The following SLC12A6 variants were observed in gnomAD, a reference collection of about 807,000 sequenced individuals.
SLC12A6 encodes the protein K-Cl cotransporter 3.
Under a neutral mutation model 135.3 loss-of-function variants are expected in SLC12A6, and 66 were observed. That is an observed-to-expected ratio of 0.49 (90% CI 0.40 to 0.60). SLC12A6 has a LOEUF of 0.60. Among genes scored for constraint, SLC12A6 ranks in the 20% least tolerant of loss-of-function variants. SLC12A6 has a pLI of 0.00. For missense variants in SLC12A6, 1,058 were observed against 1,452.3 expected (o/e 0.73, Z 4.41); for synonymous variants, 513 against 508.8 (o/e 1.01, Z -0.11).
intron 2 of SLC12A6, among the ~76,000 whole-genome samples, chr15:34,308,630 C>CAAAAAAAA (rs536506096): frequency 5.2e-4 from 33 of 63,308 alleles, no homozygotes; most frequent in African/African-American, 1.2e-3. Context: ...GTCCACCTGA[C>CAAAAAAAA]AAAAAAAAAA....
intron 12 of SLC12A6, 66 bp from the exon 13 acceptor site, chr15:34,250,421 A>G (rs1892309148): frequency 2.0e-6 from 2 of 1,016,726 alleles, no homozygotes; most frequent in Admixed American, 1.7e-5. Context: ...GTAGACACTC[A>G]GTAGACACTT....
chr15:34,270,675 T>C (rs1893852992), intron 3 of SLC12A6, among the ~76,000 whole-genome samples: 2 of 151,742 alleles, frequency 1.3e-5, no homozygotes, highest in African/African-American at 2.4e-5. Context: ...TGATGGTGGG[T>C]CCCTGTAATC....
In SLC12A6 at chr15:34,238,414, A is replaced by C; in HGVS notation, c.2633-13T>G. 1 of 1,607,428 alleles carries C rather than the reference A, an allele frequency of 6.2e-7. No individual in the cohort carries two copies. Among genetic ancestry groups the C allele is most frequent in the Non-Finnish European group, 8.5e-7 (1 of 1,174,126 alleles). Reference sequence around the variant, plus strand: ...ACTCGAACTGTGCCTAGGGAGAAAAAAGAATAAGCAGAGAAGAATCCTTAG... The same window carrying C: ...ACTCGAACTGTGCCTAGGGAGAAAACAGAATAAGCAGAGAAGAATCCTTAG... On this transcript the variant is annotated splice_polypyrimidine_tract_variant and intron_variant, in intron 20 of 25. Transcript: ENST00000354181.
chr15:34,267,697 G>A (rs745859062), intron 3 of SLC12A6, among the ~76,000 whole-genome samples: 1 of 152,152 alleles, frequency 6.6e-6, no homozygotes, highest in Non-Finnish European at 1.5e-5. Flanking sequence ...AAATTTTTGT[G>A]TACACTTATT....
chr15:34,234,112 G>A, intron 25 of SLC12A6, 140 bp from the exon 26 acceptor site: 3 of 684,788 alleles, frequency 4.4e-6, no homozygotes, highest in South Asian at 1.5e-5. Flanking sequence ...CTGAACTTTG[G>A]ATTGAATTTA....
chr15:34,266,684 A>C (rs1362292545), intron 3 of SLC12A6, among the ~76,000 whole-genome samples: 1 of 152,132 alleles, frequency 6.6e-6, no homozygotes, highest in Non-Finnish European at 1.5e-5. Context: ...AGCCTGCCTC[A>C]ACCTCCCAAA....
At chr15:34,294,814 C>A (rs1208856999) in intron 2 of SLC12A6, among the ~76,000 whole-genome samples, 1 of 151,906 alleles carries the variant, frequency 6.6e-6, no homozygotes, top group Non-Finnish European at 1.5e-5. Context: ...CTTCCCCTCC[C>A]AAAGTGCTAG....
Position 34,231,423 on chromosome 15 carries a change from C to T in SLC12A6, c.*2458G>A, listed in dbSNP as rs1382744851. ...CATGACTCACTACTGTTAAACTCAACTAAGCAATGGAGTGTTGCAGTGGGA... is the reference window on the plus strand; with the variant it reads ...CATGACTCACTACTGTTAAACTCAATTAAGCAATGGAGTGTTGCAGTGGGA... On this transcript the variant is annotated 3_prime_UTR_variant, in exon 26 of 26. Transcript: ENST00000354181. 2 of 150,748 alleles carry T rather than the reference C, an allele frequency of 1.3e-5. No homozygotes were observed. Among genetic ancestry groups the T allele is most frequent in the Non-Finnish European group, 2.9e-5 (2 of 67,818 alleles). The allele number at this position is 150,748 out of a possible 1,614,324, so 9.3% of individuals were successfully genotyped here. A position where few individuals can be genotyped will look rare whatever the true frequency, so the allele number is the denominator to read the frequency against.
At position 34,252,217 on chromosome 15, in the gene SLC12A6, A is replaced by G. The variant is rs767322889; in HGVS notation, c.1286T>C (p.Val429Ala). The G allele has an allele frequency of 6.2e-7, 1 of 1,608,694 alleles. No individual in the cohort carries two copies. The highest frequency in any genetic ancestry group is 2.2e-5 in the East Asian group (1 of 44,836). Reference sequence around the variant, plus strand: ...TCCAGGAATGCCCTGGATTGAAGTGACGTTATTGTGAACAAAGTATTCATC... The same window carrying G: ...TCCAGGAATGCCCTGGATTGAAGTGGCGTTATTGTGAACAAAGTATTCATC... ...TCDEYFVHNN[V>A]TSIQGIPGLA... Residue 429 changes from valine (V) to alanine (A), a missense_variant, in exon 10 of 26, where the codon GTC (valine) becomes GCC (alanine). Val to Ala is a moderately conservative substitution (Grantham distance 64, BLOSUM62 0). This residue lies in a region of SLC12A6 where 297 missense variants were observed against 318.5 expected (regional missense o/e 0.93). Transcript: ENST00000354181.
intron 5 of SLC12A6, among the ~76,000 whole-genome samples, chr15:34,258,454 T>C (rs996599369): frequency 6.6e-6 from 1 of 152,184 alleles, no homozygotes; most frequent in Non-Finnish European, 1.5e-5. Context: ...TCCTCAAATA[T>C]CACCTTGTCA....
At chr15:34,243,668 C>A (rs1264093183) in intron 16 of SLC12A6, among the ~76,000 whole-genome samples, 4 of 152,148 alleles carry the variant, frequency 2.6e-5, no homozygotes, top group African/African-American at 9.7e-5. Context: ...GACTCTGTAA[C>A]CCTAAGAGAC....
chr15:34,241,403 G>GT (rs1338937478), intron 17 of SLC12A6, 66 bp from the exon 18 acceptor site: 4 of 854,220 alleles, frequency 4.7e-6, no homozygotes, highest in Admixed American at 4.1e-5. Flanking sequence ...AAAAAATAAA[G>GT]TTTTTTTCTG....
intron 2 of SLC12A6, among the ~76,000 whole-genome samples, chr15:34,291,717 T>C (rs184493165): frequency 6.6e-6 from 1 of 152,300 alleles, no homozygotes; most frequent in Non-Finnish European, 1.5e-5. Flanking sequence ...GTCTTCTCAC[T>C]TTATTTCATT....
intron 2 of SLC12A6, among the ~76,000 whole-genome samples, chr15:34,284,282 T>C (rs112638914): frequency 0.017 from 2,235 of 132,160 alleles, 36 homozygotes; most frequent in African/African-American, 0.062. Context: ...CTTTTCTTTT[T>C]TTTTTTTTTT....
intron 3 of SLC12A6, among the ~76,000 whole-genome samples, chr15:34,266,008 CTTTTTTTTT>C (rs34173980): frequency 2.0e-5 from 2 of 102,304 alleles, no homozygotes; most frequent in Non-Finnish European, 3.9e-5. Flanking sequence ...ATACAGAAAG[CTTTTTTTTT>C]TTTTTTTTTT....
At chr15:34,338,012 G>A (rs1305301808), upstream of SLC12A6, 1 of 151,948 alleles carries the variant, frequency 6.6e-6, no homozygotes, top group Non-Finnish European at 1.5e-5. Context: ...CGTCCCGCGG[G>A]CGCCCGAAAG....
Position 34,237,509 on chromosome 15 carries a change from T to C in SLC12A6, c.2844A>G (p.Gln948=), listed in dbSNP as rs761469559. 22 of 1,612,506 alleles carry C rather than the reference T, an allele frequency of 1.4e-5. No individual in the cohort carries two copies. Among genetic ancestry groups the C allele is most frequent in the East Asian group, 1.1e-4 (5 of 44,848 alleles). Residue 948 remains glutamine, a synonymous_variant, in exon 22 of 26, where the codon CAA becomes CAG. Transcript: ENST00000354181. ...KCSIRIFTVA[Q]LEDNSIQMKK... Reference sequence around the variant, plus strand: ...TCATTTGGATACTGTTGTCTTCTAATTGGGCTACTGTGAAGATCCGTATGC... The same window carrying C: ...TCATTTGGATACTGTTGTCTTCTAACTGGGCTACTGTGAAGATCCGTATGC...
chr15:34,247,965 A>G (rs975736685), intron 13 of SLC12A6, among the ~76,000 whole-genome samples: 5 of 152,176 alleles, frequency 3.3e-5, no homozygotes, highest in African/African-American at 4.8e-5. Flanking sequence ...TCAGCCTCCC[A>G]AAGTGCTGGG....
rs2140718782 is a variant in SLC12A6 at position 34,254,443 on chromosome 15, G to A, written c.1023C>T (p.Asn341=). The part of the protein sequence containing the change: ...LVVFIGVRYV[N]KFASLFLACV... ...AGGCCAGGAAAAGTGAGGCAAACTT[G>A]TTCACATAGCGTACGCCGATAAATA... Residue 341 remains asparagine, a synonymous_variant, in exon 9 of 26, where the codon AAC becomes AAT. Coordinates refer to ENST00000354181, the MANE Select transcript of SLC12A6 (RefSeq NM_001365088.1). 2.5e-6 allele frequency: 4 copies of A among 1,613,800 alleles called. No homozygotes were observed. The Admixed American group carries it at 5.0e-5, about 20-fold the overall frequency.
Sources: gnomAD v4.1 joint callset for allele counts (sites outside exome capture counted in the v4.1 genomes callset) on GRCh38, gnomAD v4.1.1 for gene constraint, gnomAD v4.1.1 regional missense constraint, MANE v1.5 for transcripts, NCBI Gene and HGNC (gene_info 2026-07-23, HGNC 2026-07-21) for gene names.